The following HYOU1 variants were observed in gnomAD, a reference collection of about 807,000 sequenced individuals.
HYOU1 encodes the protein hypoxia up-regulated protein 1.
In HYOU1, 40 loss-of-function variants were observed where a neutral mutation model predicts 120.5. The ratio of observed to expected loss-of-function variants is 0.33; its 90% CI spans 0.26 to 0.43. HYOU1 has a LOEUF of 0.43. Ranked by LOEUF, HYOU1 falls within the 20% of genes least tolerant of loss-of-function variation. HYOU1 has a pLI of 1.00. For synonymous variants in HYOU1, 501 were observed against 479.4 expected (o/e 1.05, Z -0.59); for missense variants, 1,085 against 1,278.3 (o/e 0.85, Z 2.31).
rs2133590046 is a variant in HYOU1 at position 119,052,078 on chromosome 11, C to T, written c.1205+12G>A. On this transcript the variant is annotated intron_variant, in intron 11 of 25. Coordinates refer to ENST00000617285, the MANE Select transcript of HYOU1 (RefSeq NM_006389.5). The surrounding 1 kb of genome is among the most constrained non-coding windows in gnomAD (Gnocchi z 5.0). The stretch of plus-strand genomic sequence containing the variant: ...GCAGAACTCAGCCAAGCGCTCTAGC[C>T]CCCACACTCACTTGCCCACGGCCTT... The T allele has an allele frequency of 1.1e-5, 17 of 1,614,130 alleles. No homozygotes were observed. Among genetic ancestry groups the T allele is most frequent in the Non-Finnish European group, 1.4e-5 (17 of 1,180,008 alleles).
intron 7 of HYOU1, 77 bp downstream of exon 7, chr11:119,054,417 G>C (rs1944630739): frequency 6.8e-7 from 1 of 1,474,758 alleles, no homozygotes; most frequent in African/African-American, 1.4e-5. Context: ...ATGCAAACCA[G>C]ATGCAAAAGG....
At chr11:119,045,867 G>C in intron 24 of HYOU1, 36 bp from the exon 25 acceptor site, 1 of 1,606,284 alleles carries the variant, frequency 6.2e-7, no homozygotes, top group Non-Finnish European at 8.5e-7. Flanking sequence ...CTCCTCAGAA[G>C]GGAGGAAGAG....
chr11:119,050,046 G>A (rs1255953622), intron 14 of HYOU1, among the ~76,000 whole-genome samples: 4 of 152,138 alleles, frequency 2.6e-5, no homozygotes, highest in Non-Finnish European at 4.4e-5. Flanking sequence ...TTTCTCCAAA[G>A]AGCCCCCTAC....
rs2133609989 is a variant in HYOU1 at position 119,055,095 on chromosome 11, G to C, written c.420-35C>G. ...AGGAAGGTAGTTGGAGCCAAGGAAA[G>C]CCAGGCATTAAGGCAGGACAATCAG... On this transcript the variant is annotated intron_variant, in intron 5 of 25. Transcript: ENST00000617285. This position sits in a 1 kb window ranked among gnomAD's most constrained non-coding sequence, Gnocchi z 4.0. 7 of 1,613,628 alleles carry C rather than the reference G, an allele frequency of 4.3e-6. No homozygotes were observed. The South Asian group carries it at 7.7e-5, about 18-fold the overall frequency.
chr11:119,051,131 C>G lies in HYOU1; in HGVS notation c.1569G>C (p.Gly523=). The G allele has an allele frequency of 6.2e-7, 1 of 1,614,210 alleles. No homozygotes were observed. Among genetic ancestry groups the G allele is most frequent in the Non-Finnish European group, 8.5e-7 (1 of 1,180,032 alleles). The change falls in exon 14 of 26, where the codon GGG becomes GGC. Residue 523 remains glycine, a synonymous_variant. Transcript: ENST00000617285. This position sits in a 1 kb window ranked among gnomAD's most constrained non-coding sequence, Gnocchi z 4.2. ...SQNLTTVKLK[G]VGDSFKKYPD... ...GATACTTCTTGAAGCTGTCACCCAC[C>G]CCTTTTAGCTTCACTGTGGTCAGAT... is the stretch of plus-strand genomic sequence containing the variant.
intron 22 of HYOU1, chr11:119,047,079 G>A (rs2133554952): frequency 2.6e-4 from 86 of 336,626 alleles, no homozygotes; most frequent in Non-Finnish European, 2.8e-4. Context: ...TTTTTGAGAC[G>A]GAGTCTCGCT....
intron 21 of HYOU1, 28 bp downstream of exon 21, chr11:119,047,919 C>T (rs2133559424): frequency 6.2e-7 from 1 of 1,613,982 alleles, no homozygotes; most frequent in East Asian, 2.2e-5. Context: ...CTTGGCAGGA[C>T]TGCAAAAAGG....
chr11:119,054,337 C>G, intron 7 of HYOU1, 101 bp from the exon 8 acceptor site: 3 of 1,208,250 alleles, frequency 2.5e-6, no homozygotes, highest in Non-Finnish European at 3.6e-6. Context: ...ACTCTTAACA[C>G]AAAACTAAAC....
chr11:119,045,546 T>C lies in HYOU1; in HGVS notation c.*47A>G. 1 of 1,469,104 alleles carries C rather than the reference T, an allele frequency of 6.8e-7. No individual in the cohort carries two copies. Among genetic ancestry groups the C allele is most frequent in the Non-Finnish European group, 9.5e-7 (1 of 1,047,742 alleles). 91.0% of individuals were successfully genotyped at this position (1,469,104 alleles called of 1,614,324 possible). ...ACCCTCGATGTTAAATAAATAGAAG[T>C]GGTGGGGGAAGGGGGTGGAGATGAA... On this transcript the variant is annotated 3_prime_UTR_variant, in exon 26 of 26. Coordinates refer to ENST00000617285, the MANE Select transcript of HYOU1 (RefSeq NM_006389.5).
At position 119,049,100 on chromosome 11, in the gene HYOU1, G is replaced by A. The variant is rs1187922643; in HGVS notation, c.1910C>T (p.Pro637Leu). ...EAPVEDGSQP[P>L]PPEPKGDATP... ...TGCATCTCCCTTAGGTTCAGGGGGTGGGGGCTGAGAGCCATCCTCCACTGG... is the reference window on the plus strand; with the variant it reads ...TGCATCTCCCTTAGGTTCAGGGGGTAGGGGCTGAGAGCCATCCTCCACTGG... The change falls in exon 17 of 26, where the codon CCA (proline) becomes CTA (leucine). Residue 637 changes from proline (P) to leucine (L), a missense_variant. Coordinates refer to ENST00000617285, the MANE Select transcript of HYOU1 (RefSeq NM_006389.5). 1.9e-6 allele frequency: 3 copies of A among 1,613,948 alleles called. No homozygotes were observed. The highest frequency in any genetic ancestry group is 1.7e-5 in the Admixed American group (1 of 59,986).
chr11:119,049,214 C>A lies in HYOU1; in HGVS notation c.1807-11G>T. 6.3e-7 allele frequency: 1 copy of A among 1,589,104 alleles called. No homozygotes were observed. The highest frequency in any genetic ancestry group is 8.6e-7 in the Non-Finnish European group (1 of 1,168,638). On this transcript the variant is annotated splice_polypyrimidine_tract_variant and intron_variant, in intron 16 of 25. Coordinates refer to ENST00000617285, the MANE Select transcript of HYOU1 (RefSeq NM_006389.5). ...GCTCTCCTCTTCCTCCTGGGAAACA[C>A]CACAGGCGCCCCAGGGAACGATCAG...
In HYOU1 at chr11:119,052,895, C is replaced by A; in HGVS notation, c.795-66G>T. 7.1e-7 allele frequency: 1 copy of A among 1,414,286 alleles called. No homozygotes were observed. The allele number at this position is 1,414,286 out of a possible 1,614,324, so 87.6% of individuals were successfully genotyped here. Reference sequence around the variant, plus strand: ...TGGAGTCCCCGCATCTGCACAGGAGCCTCTCATCCCCACATGGCACCTTTC... The same window carrying A: ...TGGAGTCCCCGCATCTGCACAGGAGACTCTCATCCCCACATGGCACCTTTC... On this transcript the variant is annotated intron_variant, in intron 8 of 25. Transcript: ENST00000617285. This position sits in a 1 kb window ranked among gnomAD's most constrained non-coding sequence, Gnocchi z 5.0.
chr11:119,047,459 GC>G, intron 22 of HYOU1: 1 of 408,672 alleles, frequency 2.4e-6, no homozygotes, highest in South Asian at 2.6e-5. Context: ...CCAAACCCTG[GC>G]CCATGTTCTG....
At position 119,049,877 on chromosome 11, in the gene HYOU1, C is replaced by G. The variant is rs2133576246; in HGVS notation, c.1666-40G>C. On this transcript the variant is annotated intron_variant, in intron 14 of 25. Transcript: ENST00000617285. ...AAAATGAAAAAATACACAGGCTAAT[C>G]CACCTTTTCTCCACAAACATCTGCC... 1.9e-6 allele frequency: 3 copies of G among 1,576,686 alleles called. No homozygotes were observed. The South Asian group carries it at 3.3e-5, about 17-fold the overall frequency.
chr11:119,052,238 C>G lies in HYOU1; in HGVS notation c.1122+57G>C. On this transcript the variant is annotated intron_variant, in intron 10 of 25. Transcript: ENST00000617285. The surrounding 1 kb of genome is among the most constrained non-coding windows in gnomAD (Gnocchi z 5.0). ...AGCACTGACTCGTCCCTTGACGTCCCATGGGTTTCCTATGCCCTTTCCTAC... is the reference window on the plus strand; with the variant it reads ...AGCACTGACTCGTCCCTTGACGTCCGATGGGTTTCCTATGCCCTTTCCTAC... 6.2e-7 allele frequency: 1 copy of G among 1,614,004 alleles called. No individual in the cohort carries two copies. Among genetic ancestry groups the G allele is most frequent in the Non-Finnish European group, 8.5e-7 (1 of 1,179,890 alleles).
chr11:119,045,176 T>C lies in HYOU1; in HGVS notation c.*417A>G, dbSNP rs1253920527. 2 of 459,356 alleles carry C rather than the reference T, an allele frequency of 4.4e-6. No homozygotes were observed. Among genetic ancestry groups the C allele is most frequent in the Non-Finnish European group, 4.4e-6 (1 of 228,554 alleles). The allele number at this position is 459,356 out of a possible 1,614,324, so 28.5% of individuals were successfully genotyped here. On this transcript the variant is annotated 3_prime_UTR_variant, in exon 26 of 26. Coordinates refer to ENST00000617285, the MANE Select transcript of HYOU1 (RefSeq NM_006389.5). ...CTGGCCTGAAAGGATGCTCATCGCA[T>C]GGTGGGAGAGGAAGGGAGGGAAGGA...
chr11:119,050,007 G>A (rs1222893870), intron 14 of HYOU1, among the ~76,000 whole-genome samples, 170 bp from the exon 15 acceptor site: 1 of 152,148 alleles, frequency 6.6e-6, no homozygotes, highest in East Asian at 1.9e-4. Context: ...TTGATTAAGA[G>A]CCCTCCATGA....
intron 8 of HYOU1, chr11:119,053,884 T>C (rs2133601666): frequency 8.9e-5 from 39 of 439,892 alleles, no homozygotes; most frequent in African/African-American, 7.3e-4. Context: ...TGCGGCTCCA[T>C]GGATTTCCTT....
Position 119,048,312 on chromosome 11 carries a change from A to G in HYOU1, c.2312T>C (p.Ile771Thr). The change falls in exon 20 of 26, where the codon ATC becomes ACC. Residue 771 changes from isoleucine (I) to threonine (T), a missense_variant. Physicochemically the swap from Ile to Thr is moderately conservative, Grantham distance 89 (BLOSUM62 -1). Around this residue, in one of 4 missense-constraint regions of HYOU1, gnomAD observed 516 missense variants for 517.1 expected, o/e 1.00. Coordinates refer to ENST00000617285, the MANE Select transcript of HYOU1 (RefSeq NM_006389.5). The surrounding 1 kb of genome is among the most constrained non-coding windows in gnomAD (Gnocchi z 4.7). ...GGATGCGGCGCTGAGCTTCCCAGAG[A>G]TCTCCTCACGCTGCTCCTCTGTGGA... is the stretch of plus-strand genomic sequence containing the variant. ...EVSTEEQREE[I>T]SGKLSAASTW... The G allele has an allele frequency of 1.9e-6, 3 of 1,610,912 alleles. No individual in the cohort carries two copies. The highest frequency in any genetic ancestry group is 2.5e-6 in the Non-Finnish European group (3 of 1,179,962).
Sources: allele counts gnomAD v4.1 joint callset (sites outside exome capture counted in the v4.1 genomes callset), GRCh38; gene constraint gnomAD v4.1.1; regional missense constraint gnomAD v4.1.1; non-coding constraint Gnocchi (gnomAD v3.1); transcripts MANE v1.5; gene names NCBI Gene and HGNC (gene_info 2026-07-23, HGNC 2026-07-21).